RALYL: variants seen among roughly 807,000 people sequenced by gnomAD.
The protein encoded by RALYL is RALY RNA binding protein like.
Under a neutral mutation model 35.1 loss-of-function variants are expected in RALYL, and 29 were observed. The observed-to-expected ratio is 0.83, with a 90% CI of 0.61 to 1.13. RALYL has a LOEUF of 1.13. Among genes scored for constraint, RALYL ranks in the 50% most tolerant of loss-of-function variants. The pLI is 0.00. For synonymous variants in RALYL, 120 were observed against 127.6 expected, an observed-to-expected ratio of 0.94 and a Z score of 0.40; for missense variants, 359 against 360.4, an observed-to-expected ratio of 1.00 and a Z score of 0.03.
At position 84,854,316 on chromosome 8, in the gene RALYL, A is replaced by T. The variant is rs568324492; in HGVS notation, c.413+4289A>T. ...AGCCGAGATCGTGCCACTGCACTCC[A>T]GCCTGGGGACAGAGCGAAACTCCGT... is the stretch of plus-strand genomic sequence containing the variant. On this transcript the variant is annotated intron_variant, in intron 5 of 8. Coordinates refer to ENST00000521268, the MANE Select transcript of RALYL (RefSeq NM_173848.7). Among the ~76,000 whole-genome samples the T allele has an allele frequency of 8.5e-5, 13 of 152,218 alleles. No individual in the cohort carries two copies. In the East Asian group the frequency reaches 2.5e-3, roughly 30 times the overall value.
chr8:84,389,290 G>T (rs1395423842), intron 1 of RALYL, among the ~76,000 whole-genome samples: 3 of 151,958 alleles, frequency 2.0e-5, no homozygotes, highest in East Asian at 1.9e-4. Flanking sequence ...GCTTCCAGCT[G>T]TGTTCTTTTG....
At chr8:84,849,652 G>A (rs1024460412) in intron 4 of RALYL, among the ~76,000 whole-genome samples, 6 of 151,166 alleles carry the variant, frequency 4.0e-5, no homozygotes, top group African/African-American at 1.5e-4. Flanking sequence ...TCCGCCTCCC[G>A]GGTTCATGCC....
At chr8:84,814,147 C>T (rs549639028) in intron 4 of RALYL, among the ~76,000 whole-genome samples, 3 of 152,280 alleles carry the variant, frequency 2.0e-5, no homozygotes, top group South Asian at 2.1e-4. Context: ...ACATTTAGCA[C>T]ACTTTTTGAC....
chr8:84,301,795 T>A (rs1270256223), intron 1 of RALYL, among the ~76,000 whole-genome samples: 1 of 152,086 alleles, frequency 6.6e-6, no homozygotes, highest in Non-Finnish European at 1.5e-5. Context: ...AAAGTGTTTT[T>A]TATATATAAT....
intron 1 of RALYL, among the ~76,000 whole-genome samples, chr8:84,347,474 T>G (rs1020721855): frequency 2.0e-5 from 3 of 152,078 alleles, no homozygotes; most frequent in African/African-American, 7.2e-5. Context: ...TGCTTCTGCT[T>G]TCTCTGATTT....
intron 1 of RALYL, among the ~76,000 whole-genome samples, chr8:84,482,656 T>C (rs181671119): frequency 1.9e-4 from 29 of 152,172 alleles, no homozygotes; most frequent in African/African-American, 5.3e-4. Flanking sequence ...CCAAAATATA[T>C]GTTTTTCAGT....
At chr8:84,475,837 C>T (rs1021655211) in intron 1 of RALYL, among the ~76,000 whole-genome samples, 1 of 152,126 alleles carries the variant, frequency 6.6e-6, no homozygotes, top group Non-Finnish European at 1.5e-5. Context: ...GTAGTCTAGG[C>T]TGGCATAGTC....
chr8:84,312,027 C>T (rs998950595), intron 1 of RALYL, among the ~76,000 whole-genome samples: 1 of 152,166 alleles, frequency 6.6e-6, no homozygotes, highest in African/African-American at 2.4e-5. Context: ...GTTTAATTGA[C>T]TCACAATTCT....
intron 1 of RALYL, among the ~76,000 whole-genome samples, chr8:84,308,050 C>T (rs1157763082): frequency 6.7e-6 from 1 of 149,478 alleles, no homozygotes; most frequent in African/African-American, 2.4e-5. Flanking sequence ...CCCTCTCAGA[C>T]CATAACTCTG....
chr8:84,219,560 GTA>G (rs1265717402), intron 1 of RALYL, among the ~76,000 whole-genome samples: 5 of 150,822 alleles, frequency 3.3e-5, no homozygotes, highest in Non-Finnish European at 7.4e-5. Flanking sequence ...CTCACACTTC[GTA>G]TTAAGTGTAA....
chr8:84,766,623 C>CTG (rs1260956719), intron 2 of RALYL, among the ~76,000 whole-genome samples: 3 of 144,196 alleles, frequency 2.1e-5, no homozygotes, highest in Non-Finnish European at 4.5e-5. Context: ...ACTTGGGAGG[C>CTG]TGTGGCAGGA....
intron 2 of RALYL, among the ~76,000 whole-genome samples, chr8:84,534,422 T>C (rs542487819): frequency 4.6e-5 from 7 of 152,366 alleles, no homozygotes; most frequent in Admixed American, 2.0e-4. Flanking sequence ...GTATCTTCTT[T>C]TCAATTGTAT....
chr8:84,705,854 G>A, intron 2 of RALYL: 4 of 1,335,030 alleles, frequency 3.0e-6, no homozygotes, highest in Non-Finnish European at 3.9e-6. Context: ...ACAGGCTGTA[G>A]CATCTCCCCT....
intron 1 of RALYL, among the ~76,000 whole-genome samples, chr8:84,442,161 C>A (rs984454420): frequency 6.6e-6 from 1 of 151,986 alleles, no homozygotes; most frequent in African/African-American, 2.4e-5. Flanking sequence ...ATGTGGTTTT[C>A]CTTTTCTATC....
At chr8:84,311,893 G>A (rs1381863653) in intron 1 of RALYL, among the ~76,000 whole-genome samples, 1 of 152,146 alleles carries the variant, frequency 6.6e-6, no homozygotes, top group African/African-American at 2.4e-5. Context: ...TAGTAAAAGA[G>A]TGATAATCAA....
intron 2 of RALYL, among the ~76,000 whole-genome samples, chr8:84,690,366 C>T (rs1319222131): frequency 1.3e-5 from 2 of 152,014 alleles, no homozygotes; most frequent in African/African-American, 4.8e-5. Context: ...TGGTAGTTGG[C>T]AGGGGCTGAA....
At chr8:84,395,120 A>G (rs1861507808) in intron 1 of RALYL, among the ~76,000 whole-genome samples, 1 of 151,890 alleles carries the variant, frequency 6.6e-6, no homozygotes, top group Admixed American at 6.6e-5. Flanking sequence ...CATATTTTAG[A>G]CAATTATCAT....
At chr8:84,698,003 T>A (rs1251879325) in intron 2 of RALYL, among the ~76,000 whole-genome samples, 1 of 152,108 alleles carries the variant, frequency 6.6e-6, no homozygotes. Flanking sequence ...TCCTAGGTAG[T>A]GTTCTCTATT....
intron 2 of RALYL, among the ~76,000 whole-genome samples, chr8:84,752,602 A>T (rs1810340701): frequency 6.6e-6 from 1 of 152,058 alleles, no homozygotes; most frequent in Non-Finnish European, 1.5e-5. Flanking sequence ...CATGATTTCA[A>T]AGTACAGGCC....
Sources: allele counts gnomAD v4.1 joint callset (sites outside exome capture counted in the v4.1 genomes callset), GRCh38; gene constraint gnomAD v4.1.1; transcripts MANE v1.5; gene names NCBI Gene and HGNC (gene_info 2026-07-23, HGNC 2026-07-21).